The following MACROD2 variants were observed in gnomAD, a reference collection of about 807,000 sequenced individuals.
MACROD2 encodes mono-ADP ribosylhydrolase 2.
Under a neutral mutation model 70.4 loss-of-function variants are expected in MACROD2, and 36 were observed. The ratio of observed to expected loss-of-function variants is 0.51; its 90% CI spans 0.39 to 0.68. MACROD2 has a LOEUF of 0.68. MACROD2 is among the 30% of genes least tolerant of loss of function. The probability of loss-of-function intolerance (pLI) is 0.00; values close to 1 mark genes in which losing one functional copy is unlikely to be tolerated. For synonymous variants in MACROD2, 172 were observed against 178.8 expected, an observed-to-expected ratio of 0.96 and a Z score of 0.30; for missense variants, 496 against 538.4, an observed-to-expected ratio of 0.92 and a Z score of 0.78.
At chr20:15,398,970 A>C (rs993012983) in intron 6 of MACROD2, among the ~76,000 whole-genome samples, 5 of 152,136 alleles carry the variant, frequency 3.3e-5, no homozygotes, top group Non-Finnish European at 7.4e-5. Context: ...TGTGTGAGCC[A>C]CTGTGTCCAG....
At chr20:15,589,952 AAG>A in intron 8 of MACROD2, among the ~76,000 whole-genome samples, 3 of 152,226 alleles carry the variant, frequency 2.0e-5, no homozygotes. Flanking sequence ...AAAAATCTAT[AAG>A]AGTAATGAGA....
intron 6 of MACROD2, among the ~76,000 whole-genome samples, chr20:15,310,846 A>G (rs897028410): frequency 4.6e-5 from 7 of 152,158 alleles, no homozygotes; most frequent in African/African-American, 1.7e-4. Flanking sequence ...AAGATCAACT[A>G]TGGCTAGCCC....
chr20:14,114,389 A>T (rs903788689), intron 3 of MACROD2, among the ~76,000 whole-genome samples: 1 of 152,184 alleles, frequency 6.6e-6, no homozygotes, highest in East Asian at 1.9e-4. Context: ...TTGAATATTG[A>T]TCCTTGAAAA....
intron 6 of MACROD2, among the ~76,000 whole-genome samples, chr20:15,235,830 A>G (rs2077008997): frequency 6.6e-6 from 1 of 152,176 alleles, no homozygotes; most frequent in Non-Finnish European, 1.5e-5. Context: ...ACTTGATGTC[A>G]CCATTTCCCA....
chr20:15,592,575 C>T (rs1320254797), intron 8 of MACROD2, among the ~76,000 whole-genome samples: 1 of 152,198 alleles, frequency 6.6e-6, no homozygotes, highest in African/African-American at 2.4e-5. Flanking sequence ...GCCTTACTTT[C>T]CACTGTCTAA....
intron 8 of MACROD2, among the ~76,000 whole-genome samples, chr20:15,819,614 A>G (rs1360782749): frequency 1.3e-5 from 2 of 151,550 alleles, no homozygotes; most frequent in Non-Finnish European, 2.9e-5. Context: ...CCTGCCATTT[A>G]CCACAAAATA....
At chr20:15,888,408 AGG>A (rs2064847918) in intron 10 of MACROD2, among the ~76,000 whole-genome samples, 1 of 152,116 alleles carries the variant, frequency 6.6e-6, no homozygotes. Context: ...TTTAGCTATG[AGG>A]GGTACTGCCC....
chr20:14,848,180 G>A (rs898307419), intron 5 of MACROD2, among the ~76,000 whole-genome samples: 1 of 152,176 alleles, frequency 6.6e-6, no homozygotes, highest in African/African-American at 2.4e-5. Flanking sequence ...GTGAAACAAT[G>A]CTTCCCTATA....
chr20:15,386,215 A>G (rs1875218982), intron 6 of MACROD2, among the ~76,000 whole-genome samples: 2 of 152,188 alleles, frequency 1.3e-5, no homozygotes, highest in Admixed American at 6.5e-5. Flanking sequence ...AGCAAAGGCA[A>G]TAGACTTCAC....
At position 15,612,487 on chromosome 20, in the gene MACROD2, G is replaced by C. The variant is rs144951256; in HGVS notation, c.645+112640G>C. Among the ~76,000 whole-genome samples the C allele has an allele frequency of 3.8e-3, 577 of 152,322 alleles. 1 individual carries two copies. Among genetic ancestry groups the C allele is most frequent in the Middle Eastern group, 0.01 (3 of 294 alleles). On this transcript the variant is annotated intron_variant, in intron 8 of 17. Coordinates refer to ENST00000684519, the MANE Select transcript of MACROD2 (RefSeq NM_001351661.2). The stretch of plus-strand genomic sequence containing the variant: ...ATTGATTAAGGCTGAGACTAGGCTA[G>C]AAATTTCTTTTGCAATGAAGCTCTT...
At chr20:14,984,820 T>A (rs2074834303) in intron 5 of MACROD2, among the ~76,000 whole-genome samples, 1 of 151,640 alleles carries the variant, frequency 6.6e-6, no homozygotes, top group African/African-American at 2.4e-5. Context: ...ACAAATAGAG[T>A]AGAGGAACAT....
At chr20:14,348,998 G>A (rs1194275729) in intron 3 of MACROD2, among the ~76,000 whole-genome samples, 4 of 152,060 alleles carry the variant, frequency 2.6e-5, no homozygotes, top group African/African-American at 9.7e-5. Flanking sequence ...AGCTTAGGAG[G>A]TGGAGGTTAC....
At chr20:14,256,483 T>C (rs1601405924) in intron 3 of MACROD2, among the ~76,000 whole-genome samples, 1 of 152,266 alleles carries the variant, frequency 6.6e-6, no homozygotes, top group African/African-American at 2.4e-5. Flanking sequence ...AGCAAAATGT[T>C]GAGGCTCTGA....
At chr20:14,710,203 T>C (rs2071321460) in intron 5 of MACROD2, among the ~76,000 whole-genome samples, 1 of 151,986 alleles carries the variant, frequency 6.6e-6, no homozygotes, top group Non-Finnish European at 1.5e-5. Context: ...AAAGCAGAGA[T>C]TTCAGTTATA....
At chr20:14,060,597 G>T (rs2053680544) in intron 2 of MACROD2, among the ~76,000 whole-genome samples, 1 of 152,084 alleles carries the variant, frequency 6.6e-6, no homozygotes, top group Non-Finnish European at 1.5e-5. Flanking sequence ...TTGAGACCTG[G>T]GATGGAGGAT....
intron 3 of MACROD2, among the ~76,000 whole-genome samples, chr20:14,412,609 T>C (rs879860492): frequency 2.0e-5 from 3 of 152,176 alleles, no homozygotes; most frequent in Non-Finnish European, 4.4e-5. Flanking sequence ...CTAAATATAG[T>C]TACCATCCCT....
At chr20:15,352,523 A>G (rs2078239048) in intron 6 of MACROD2, among the ~76,000 whole-genome samples, 2 of 152,184 alleles carry the variant, frequency 1.3e-5, no homozygotes, top group South Asian at 4.1e-4. Context: ...TAACTTCAGA[A>G]GTATTTAAAA....
chr20:15,700,989 C>T (rs2050449550), intron 8 of MACROD2, among the ~76,000 whole-genome samples: 1 of 152,208 alleles, frequency 6.6e-6, no homozygotes, highest in Non-Finnish European at 1.5e-5. Flanking sequence ...CACTGAGCCC[C>T]ATTCAGCTGT....
chr20:15,570,052 T>A (rs1002537745), intron 8 of MACROD2, among the ~76,000 whole-genome samples: 2 of 152,078 alleles, frequency 1.3e-5, no homozygotes, highest in Non-Finnish European at 2.9e-5. Context: ...TTGAGGAACC[T>A]CAAAAAATGT....
Sources: gnomAD v4.1 joint callset for allele counts (sites outside exome capture counted in the v4.1 genomes callset) on GRCh38, gnomAD v4.1.1 for gene constraint, MANE v1.5 for transcripts, NCBI Gene and HGNC (gene_info 2026-07-23, HGNC 2026-07-21) for gene names.